PCSK2: variants seen among roughly 807,000 people sequenced by gnomAD.
The protein encoded by PCSK2 is neuroendocrine convertase 2.
PCSK2 carries 14 observed loss-of-function variants against 69.7 expected under a neutral mutation model. The ratio of observed to expected loss-of-function variants is 0.20; its 90% CI spans 0.13 to 0.31. The LOEUF is 0.31. Among genes scored for constraint, PCSK2 ranks in the 10% least tolerant of loss-of-function variants. PCSK2 has a pLI of 1.00. For missense variants in PCSK2, 544 were observed against 842.5 expected, an observed-to-expected ratio of 0.65 and a Z score of 4.39; for synonymous variants, 307 against 320.7, an observed-to-expected ratio of 0.96 and a Z score of 0.46.
chr20:17,393,438 G>A (rs1423012268), intron 5 of PCSK2, among the ~76,000 whole-genome samples: 3 of 150,580 alleles, frequency 2.0e-5, no homozygotes, highest in South Asian at 2.1e-4. Context: ...CATTTATAAT[G>A]TAAGATTATG....
intron 2 of PCSK2, among the ~76,000 whole-genome samples, chr20:17,335,857 G>GGT (rs3138653): frequency 0.11 from 15,427 of 142,608 alleles, 853 homozygotes; most frequent in East Asian, 0.22. Flanking sequence ...AGTAGTCCAT[G>GGT]GTGTGTGTGT....
intron 2 of PCSK2, among the ~76,000 whole-genome samples, chr20:17,318,518 A>G (rs1448952078): frequency 6.6e-6 from 1 of 152,218 alleles, no homozygotes; most frequent in Non-Finnish European, 1.5e-5. Flanking sequence ...ATTGTATATG[A>G]GTTGGGTAAT....
At chr20:17,335,538 T>C (rs1214023773) in intron 2 of PCSK2, among the ~76,000 whole-genome samples, 1 of 151,208 alleles carries the variant, frequency 6.6e-6, no homozygotes, top group African/African-American at 2.4e-5. Context: ...ACAGGTGGTG[T>C]TTGTTTACAT....
chr20:17,314,304 C>T (rs1989610621), intron 2 of PCSK2, among the ~76,000 whole-genome samples: 1 of 152,098 alleles, frequency 6.6e-6, no homozygotes, highest in African/African-American at 2.4e-5. Context: ...CAGGAAAAAC[C>T]AGAGCCAGGC....
chr20:17,246,745 C>G (rs1345458856), intron 1 of PCSK2, among the ~76,000 whole-genome samples: 1 of 151,650 alleles, frequency 6.6e-6, no homozygotes, highest in Non-Finnish European at 1.5e-5. Context: ...ATCAGACTAT[C>G]CCATCCTTGC....
At chr20:17,293,649 A>G (rs1988770667) in intron 2 of PCSK2, among the ~76,000 whole-genome samples, 1 of 152,236 alleles carries the variant, frequency 6.6e-6, no homozygotes, top group African/African-American at 2.4e-5. Flanking sequence ...ATATAAAATC[A>G]TTTTGAAATG....
At chr20:17,239,253 T>G (rs1009397953) in intron 1 of PCSK2, among the ~76,000 whole-genome samples, 5 of 152,144 alleles carry the variant, frequency 3.3e-5, no homozygotes, top group African/African-American at 7.2e-5. Context: ...CCAATTCTCT[T>G]CAGTGATGAT....
intron 5 of PCSK2, among the ~76,000 whole-genome samples, chr20:17,407,273 G>C (rs1457172943): frequency 1.3e-5 from 2 of 152,136 alleles, no homozygotes; most frequent in Non-Finnish European, 2.9e-5. Context: ...ACCTCAGAAG[G>C]AAGAGGCAGC....
chr20:17,227,811 G>GA (rs1285211760), intron 1 of PCSK2, among the ~76,000 whole-genome samples: 2 of 152,210 alleles, frequency 1.3e-5, no homozygotes, highest in Non-Finnish European at 2.9e-5. Flanking sequence ...GGGATGGAGG[G>GA]ATGAAGCCCT....
At chr20:17,343,791 G>A (rs1428334296) in intron 2 of PCSK2, among the ~76,000 whole-genome samples, 1 of 152,190 alleles carries the variant, frequency 6.6e-6, no homozygotes, top group Non-Finnish European at 1.5e-5. Flanking sequence ...TAATGATGGA[G>A]AAATGGGATC....
At chr20:17,291,798 G>C (rs1275506875) in intron 2 of PCSK2, among the ~76,000 whole-genome samples, 2 of 152,120 alleles carry the variant, frequency 1.3e-5, no homozygotes, top group African/African-American at 2.4e-5. Flanking sequence ...GCAGTATAGA[G>C]CTGATATGAG....
intron 5 of PCSK2, among the ~76,000 whole-genome samples, chr20:17,381,296 T>A (rs1174872449): frequency 6.6e-6 from 1 of 152,178 alleles, no homozygotes; most frequent in African/African-American, 2.4e-5. Context: ...AGTATTATGG[T>A]GAGGTCTGCA....
In PCSK2 at chr20:17,481,876, G is replaced by A. The variant is rs1265864874; in HGVS notation, c.1723G>A (p.Val575Ile). 6.2e-7 allele frequency: 1 copy of A among 1,614,066 alleles called. No homozygotes were observed. The highest frequency in any genetic ancestry group is 8.5e-7 in the Non-Finnish European group (1 of 1,180,014). ...RGTWTLELGF[V>I]GSAPQKGVLK... ...CACCTGGACCCTGGAGCTGGGATTTGTCGGCAGCGCCCCGCAGAAGGGGGT... is the reference window on the plus strand; with the variant it reads ...CACCTGGACCCTGGAGCTGGGATTTATCGGCAGCGCCCCGCAGAAGGGGGT... The change falls in exon 12 of 12, where the codon GTC becomes ATC. Residue 575 changes from valine (V) to isoleucine (I), a missense_variant. Val to Ile is a conservative substitution (Grantham distance 29). Coordinates refer to ENST00000262545, the MANE Select transcript of PCSK2 (RefSeq NM_002594.5).
rs1409916052 is a variant in PCSK2 at position 17,303,359 on chromosome 20, T to TATATGATATATAATTATATATTA, written c.282+43020_282+43042dup. ...TATAATATATAATATAAACATACAA[T>TATATGATATATAATTATATATTA]ATATGATATATAATTATATATTAAT... On this transcript the variant is annotated intron_variant, in intron 2 of 11. Transcript: ENST00000262545. Among the ~76,000 whole-genome samples, 596 of 129,858 alleles carry TATATGATATATAATTATATATTA rather than the reference T, an allele frequency of 4.6e-3. 10 individuals carry two copies. The highest frequency in any genetic ancestry group is 0.016 in the African/African-American group (555 of 34,228). The allele number at this position is 129,858 out of a possible 152,430, so 85.2% of individuals were successfully genotyped here.
intron 8 of PCSK2, among the ~76,000 whole-genome samples, chr20:17,444,943 T>C (rs1007378151): frequency 6.6e-6 from 1 of 152,226 alleles, no homozygotes; most frequent in Non-Finnish European, 1.5e-5. Flanking sequence ...TTCAGCCTCT[T>C]GGGAGGAAGC....
At chr20:17,384,141 C>G (rs1217372302) in intron 5 of PCSK2, among the ~76,000 whole-genome samples, 1 of 151,932 alleles carries the variant, frequency 6.6e-6, no homozygotes, top group African/African-American at 2.4e-5. Flanking sequence ...AACACAATAC[C>G]CTCAGTGCTA....
intron 5 of PCSK2, among the ~76,000 whole-genome samples, chr20:17,394,726 T>A (rs2031470173): frequency 6.6e-6 from 1 of 152,152 alleles, no homozygotes; most frequent in Admixed American, 6.5e-5. Context: ...CACAAAGGGA[T>A]TGTGTGATTA....
intron 2 of PCSK2, among the ~76,000 whole-genome samples, chr20:17,349,933 G>T (rs1394069497): frequency 6.6e-6 from 1 of 152,052 alleles, no homozygotes; most frequent in Non-Finnish European, 1.5e-5. Flanking sequence ...CCAGGTGATT[G>T]CACTGTGCAG....
Position 17,481,888 on chromosome 20 carries a change from C to G in PCSK2, c.1735C>G (p.Pro579Ala), listed in dbSNP as rs1336366278. Reference protein sequence around the residue: ...TLELGFVGSAPQKGVLKEWTL... With the variant: ...TLELGFVGSAAQKGVLKEWTL... ...GGAGCTGGGATTTGTCGGCAGCGCC[C>G]CGCAGAAGGGGGTGCTGAAGGAGTG... Residue 579 changes from proline to alanine, a missense_variant, in exon 12 of 12, where the codon CCG (proline) becomes GCG (alanine). Coordinates refer to ENST00000262545, the MANE Select transcript of PCSK2 (RefSeq NM_002594.5). 6.2e-7 allele frequency: 1 copy of G among 1,613,890 alleles called. No homozygotes were observed. The highest frequency in any genetic ancestry group is 1.7e-5 in the Admixed American group (1 of 59,996).
Sources: allele counts gnomAD v4.1 joint callset (sites outside exome capture counted in the v4.1 genomes callset), GRCh38; gene constraint gnomAD v4.1.1; transcripts MANE v1.5; gene names NCBI Gene and HGNC (gene_info 2026-07-23, HGNC 2026-07-21).